FER: variants seen among roughly 807,000 people sequenced by gnomAD.
FER encodes FER tyrosine kinase.
FER carries 63 observed loss-of-function variants against 111.0 expected under a neutral mutation model. That is an observed-to-expected ratio of 0.57 (90% CI 0.46 to 0.70). FER has a LOEUF of 0.70. FER is among the 30% of genes least tolerant of loss of function. The pLI is 0.00. For synonymous variants in FER, 327 were observed against 313.9 expected, an observed-to-expected ratio of 1.04 and a Z score of -0.44; for missense variants, 914 against 954.0, an observed-to-expected ratio of 0.96 and a Z score of 0.55.
At chr5:108,873,944 G>T (rs80034202) in intron 8 of FER, among the ~76,000 whole-genome samples, 34,302 of 152,070 alleles carry the variant, frequency 0.23, 4,065 homozygotes, top group African/African-American at 0.28. Context: ...CTCAATTCCT[G>T]TGCAGTGAGA....
chr5:108,885,898 T>G (rs1266739103), intron 9 of FER, among the ~76,000 whole-genome samples: 2 of 151,992 alleles, frequency 1.3e-5, no homozygotes, highest in African/African-American at 4.8e-5. Context: ...GAAGATTTTA[T>G]TTGAATGGTA....
At chr5:109,172,324 G>A (rs889392592) in intron 17 of FER, among the ~76,000 whole-genome samples, 1 of 151,866 alleles carries the variant, frequency 6.6e-6, no homozygotes. Context: ...ATGAGTTCAT[G>A]TCCTTTTTAG....
At chr5:108,952,283 GGT>G (rs1409321503) in intron 11 of FER, among the ~76,000 whole-genome samples, 1 of 144,178 alleles carries the variant, frequency 6.9e-6, no homozygotes, top group Non-Finnish European at 1.6e-5. Flanking sequence ...ATGTCATTAT[GGT>G]GGGCTCTTGG....
At chr5:109,148,486 G>A (rs562435257) in intron 17 of FER, among the ~76,000 whole-genome samples, 5 of 152,152 alleles carry the variant, frequency 3.3e-5, no homozygotes, top group Non-Finnish European at 7.4e-5. Context: ...CATGTGGGAA[G>A]AAACCTGCTT....
chr5:109,031,273 C>G (rs976868624), intron 13 of FER, among the ~76,000 whole-genome samples: 5 of 152,056 alleles, frequency 3.3e-5, no homozygotes, highest in Non-Finnish European at 7.4e-5. Flanking sequence ...TTCCAGGAGT[C>G]CCAAACCAAT....
chr5:108,832,355 G>C (rs1760133067), intron 3 of FER, among the ~76,000 whole-genome samples: 1 of 152,220 alleles, frequency 6.6e-6, no homozygotes, highest in African/African-American at 2.4e-5. Context: ...AGATGCCACA[G>C]AGAGATGCAG....
intron 9 of FER, among the ~76,000 whole-genome samples, chr5:108,893,026 C>T (rs905538680): frequency 2.0e-5 from 3 of 152,018 alleles, no homozygotes; most frequent in South Asian, 2.1e-4. Context: ...CATTGGTCTA[C>T]ATCTCTGTTT....
intron 5 of FER, among the ~76,000 whole-genome samples, chr5:108,852,864 A>G (rs1762659359): frequency 6.6e-6 from 1 of 152,182 alleles, no homozygotes; most frequent in African/African-American, 2.4e-5. Context: ...AGAAATTGGA[A>G]TGACAGCTAT....
chr5:108,893,585 A>G (rs984315390), intron 9 of FER, among the ~76,000 whole-genome samples: 2 of 152,122 alleles, frequency 1.3e-5, no homozygotes, highest in African/African-American at 2.4e-5. Flanking sequence ...AGGATACCAC[A>G]TGGAAACAAC....
chr5:109,134,567 G>A (rs1752696406), intron 17 of FER, among the ~76,000 whole-genome samples: 1 of 152,088 alleles, frequency 6.6e-6, no homozygotes, highest in African/African-American at 2.4e-5. Context: ...TTTGAAAGGT[G>A]GCTCCCACAC....
In FER at chr5:108,954,793, T is replaced by C. The variant is rs1561672896; in HGVS notation, c.1394T>C (p.Ile465Thr). ...LAEQDWYHGA[I>T]PRIEAQELLK... ...GAACAGGACTGGTACCATGGTGCAA[T>C]TCCCAGAATAGAAGCTCAAGAACTG... The change falls in exon 12 of 20, where the codon ATT becomes ACT. Residue 465 changes from isoleucine (I) to threonine (T), a missense_variant. By Grantham distance (89) the Ile-to-Thr change is moderately conservative (BLOSUM62 -1). Transcript: ENST00000281092. 1.2e-6 allele frequency: 2 copies of C among 1,612,390 alleles called. No individual in the cohort carries two copies.
intron 13 of FER, among the ~76,000 whole-genome samples, chr5:109,022,932 G>T (rs1768126373): frequency 6.6e-6 from 1 of 152,124 alleles, no homozygotes. Flanking sequence ...TAATAGCTTG[G>T]TTTTTAATCT....
intron 10 of FER, among the ~76,000 whole-genome samples, chr5:108,945,783 C>G (rs1756905686): frequency 6.6e-6 from 1 of 151,896 alleles, no homozygotes. Context: ...AAATAGGTTC[C>G]TTATAGCTTG....
chr5:109,084,964 G>A (rs973148457), intron 16 of FER, among the ~76,000 whole-genome samples: 14 of 151,824 alleles, frequency 9.2e-5, no homozygotes, highest in Admixed American at 5.3e-4. Flanking sequence ...ACCAAAAACC[G>A]TACTTTCTTG....
intron 16 of FER, chr5:109,051,346 C>G: frequency 6.2e-7 from 1 of 1,608,592 alleles, no homozygotes; most frequent in Non-Finnish European, 8.5e-7. Context: ...AGGCCTGCTG[C>G]TGGCACGACT....
At chr5:108,809,726 C>T (rs934110363) in intron 3 of FER, among the ~76,000 whole-genome samples, 2 of 152,074 alleles carry the variant, frequency 1.3e-5, no homozygotes, top group Admixed American at 6.6e-5. Flanking sequence ...CCATGCCTGG[C>T]TAATTTTTGT....
At chr5:108,836,174 G>A (rs1760639566) in intron 5 of FER, among the ~76,000 whole-genome samples, 1 of 151,892 alleles carries the variant, frequency 6.6e-6, no homozygotes, top group Non-Finnish European at 1.5e-5. Flanking sequence ...TTTTTTACCT[G>A]TATTATTTAA....
intron 5 of FER, among the ~76,000 whole-genome samples, chr5:108,849,460 G>GTTA (rs1375181506): frequency 6.7e-6 from 1 of 149,802 alleles, no homozygotes; most frequent in Admixed American, 6.7e-5. Flanking sequence ...TGGTTTTGTT[G>GTTA]TTGTTGTTGT....
intron 2 of FER, among the ~76,000 whole-genome samples, chr5:108,772,680 A>G (rs566228609): frequency 6.6e-6 from 1 of 152,216 alleles, no homozygotes; most frequent in Non-Finnish European, 1.5e-5. Context: ...TGTGGTTTTT[A>G]CATTTGGTTG....
Sources: allele counts gnomAD v4.1 joint callset (sites outside exome capture counted in the v4.1 genomes callset), GRCh38; gene constraint gnomAD v4.1.1; transcripts MANE v1.5; gene names NCBI Gene and HGNC (gene_info 2026-07-23, HGNC 2026-07-21).